USP42: variants seen among roughly 807,000 people sequenced by gnomAD.
The protein encoded by USP42 is ubiquitin specific peptidase 42.
In USP42, 23 loss-of-function variants were observed where a neutral mutation model predicts 113.0. The observed-to-expected ratio is 0.20, with a 90% CI of 0.15 to 0.29. USP42 has a LOEUF of 0.29. USP42 is among the 10% of genes least tolerant of loss of function. The pLI is 1.00. For synonymous variants in USP42, 933 were observed against 699.0 expected, an observed-to-expected ratio of 1.33 and a Z score of -5.28; for missense variants, 2,174 against 1,779.8, an observed-to-expected ratio of 1.22 and a Z score of -3.99.
chr7:6,112,220 A>G (rs1042456162), intron 2 of USP42, among the ~76,000 whole-genome samples: 2 of 152,096 alleles, frequency 1.3e-5, no homozygotes, highest in African/African-American at 2.4e-5. Flanking sequence ...AGGCCAAGGC[A>G]GGTGGATCAC....
the USP42 span, among the ~76,000 whole-genome samples, chr7:6,087,003 C>G: frequency 6.7e-6 from 1 of 149,658 alleles, no homozygotes; most frequent in Non-Finnish European, 1.5e-5. Flanking sequence ...GCTGGGATTA[C>G]AGATGTGAGC....
In USP42 at chr7:6,157,556, C is replaced by G. The variant is rs777996474; in HGVS notation, c.3943+501C>G. Among the ~76,000 whole-genome samples, 2 of 152,174 alleles carry G rather than the reference C, an allele frequency of 1.3e-5. No individual in the cohort carries two copies. Among genetic ancestry groups the G allele is most frequent in the Non-Finnish European group, 2.9e-5 (2 of 68,032 alleles). On this transcript the variant is annotated intron_variant, in intron 16 of 17. Coordinates refer to ENST00000306177, the MANE Select transcript of USP42 (RefSeq NM_032172.3). This position sits in a 1 kb window ranked among gnomAD's most constrained non-coding sequence, Gnocchi z 4.1. ...GGGACTACAGGCGCCCGCCACCACG[C>G]CCGGCTAAATTTTGTGTTTTTAGTA...
intron 15 of USP42, among the ~76,000 whole-genome samples, chr7:6,156,110 G>A (rs1428834331): frequency 2.0e-5 from 3 of 152,168 alleles, no homozygotes; most frequent in African/African-American, 7.2e-5. Context: ...ATGATGAGAT[G>A]GATGAGCAGG....
chr7:6,101,082 TGAAAG>T (rs1045716125), upstream of USP42, among the ~76,000 whole-genome samples: 6 of 150,662 alleles, frequency 4.0e-5, no homozygotes. Flanking sequence ...AGGAAGGTAA[TGAAAG>T]GAAAGGGCAG....
At chr7:6,146,072 AAAG>A (rs1199727349) in intron 10 of USP42, 73 bp from the exon 11 acceptor site, 3 of 1,177,760 alleles carry the variant, frequency 2.5e-6, no homozygotes, top group Non-Finnish European at 3.6e-6. Context: ...AAAAAAAAAG[AAAG>A]AAATATTTCT....
At chr7:6,091,005 C>T in the USP42 span, among the ~76,000 whole-genome samples, 4 of 150,540 alleles carry the variant, frequency 2.7e-5, no homozygotes, top group Non-Finnish European at 5.9e-5. Context: ...AGACATATGA[C>T]GCCTATTCAG....
At chr7:6,143,709 T>A (rs1157939099) in intron 8 of USP42, among the ~76,000 whole-genome samples, 3 of 152,040 alleles carry the variant, frequency 2.0e-5, no homozygotes, top group Non-Finnish European at 2.9e-5. Context: ...ATATAATAAT[T>A]ATTATTATTT....
chr7:6,157,419 C>T lies in USP42; in HGVS notation c.3943+364C>T, dbSNP rs950457688. On this transcript the variant is annotated intron_variant, in intron 16 of 17. Transcript: ENST00000306177. This position sits in a 1 kb window ranked among gnomAD's most constrained non-coding sequence, Gnocchi z 4.1. ...ATTTTATTTATTTTATTTTTTGAGA[C>T]GGAGTCTTGCTCTATTGCCCAGGCT... 3.5e-5 allele frequency: 34 copies of T among 971,466 alleles called. No homozygotes were observed. In the Admixed American group the frequency reaches 6.2e-4, roughly 18 times the overall value. 60.2% of individuals were successfully genotyped at this position (971,466 alleles called of 1,614,324 possible).
Position 6,139,272 on chromosome 7 carries a change from A to C in USP42, c.656+78A>C. 2.5e-6 allele frequency: 3 copies of C among 1,219,744 alleles called. No homozygotes were observed. Among genetic ancestry groups the C allele is most frequent in the Admixed American group, 2.7e-5 (1 of 37,632 alleles). 75.6% of individuals were successfully genotyped at this position (1,219,744 alleles called of 1,614,324 possible). ...TTTATTCTTATCAGAATTCATTTTC[A>C]CCTTTTTTGTTGGAAGCACACAGAA... On this transcript the variant is annotated intron_variant, in intron 5 of 17. Transcript: ENST00000306177. The surrounding 1 kb of genome is among the most constrained non-coding windows in gnomAD (Gnocchi z 4.5).
At chr7:6,126,589 A>T (rs989683787) in intron 3 of USP42, among the ~76,000 whole-genome samples, 1 of 152,332 alleles carries the variant, frequency 6.6e-6, no homozygotes, top group South Asian at 2.1e-4. Context: ...CGGCCTGATA[A>T]CGCCACAGTT....
chr7:6,092,584 A>T, the USP42 span, among the ~76,000 whole-genome samples: 2 of 151,354 alleles, frequency 1.3e-5, no homozygotes, highest in East Asian at 3.8e-4. Context: ...CATTTGAGGC[A>T]TCATGACAAT....
intron 8 of USP42, 21 bp from the exon 9 acceptor site, chr7:6,144,064 T>A: frequency 6.8e-7 from 1 of 1,466,606 alleles, no homozygotes; most frequent in Non-Finnish European, 9.2e-7. Context: ...TTCTTATACT[T>A]TTGTTTCTGT....
At chr7:6,151,676 C>G (rs1782059152) in intron 14 of USP42, among the ~76,000 whole-genome samples, 1 of 152,290 alleles carries the variant, frequency 6.6e-6, no homozygotes, top group Non-Finnish European at 1.5e-5. Flanking sequence ...CTCCTGACCT[C>G]AACTCATCCA....
intron 2 of USP42, among the ~76,000 whole-genome samples, chr7:6,112,992 C>T (rs562663001): frequency 9.2e-4 from 138 of 150,486 alleles, no homozygotes; most frequent in Non-Finnish European, 1.8e-3. Context: ...CAATCTCTGC[C>T]TGCTGGGTTC....
In USP42 at chr7:6,156,975, T is replaced by C; in HGVS notation, c.3863T>C (p.Val1288Ala). 6.2e-7 allele frequency: 1 copy of C among 1,613,746 alleles called. No individual in the cohort carries two copies. Among genetic ancestry groups the C allele is most frequent in the Non-Finnish European group, 8.5e-7 (1 of 1,179,778 alleles). ...TCTGGTGGCCCGCCTCTGGAAGGCG[T>C]CGGACCTTTCCGTGAGAAAACGAAA... is the stretch of plus-strand genomic sequence containing the variant. ...PLSGGPPLEG[V>A]GPFREKTKHL... The change falls in exon 16 of 18, where the codon GTC (valine) becomes GCC (alanine). Residue 1288 changes from valine to alanine, a missense_variant. By Grantham distance (64) the Val-to-Ala change is moderately conservative. Coordinates refer to ENST00000306177, the MANE Select transcript of USP42 (RefSeq NM_032172.3).
chr7:6,084,138 T>C, the USP42 span, among the ~76,000 whole-genome samples: 1 of 151,272 alleles, frequency 6.6e-6, no homozygotes, highest in African/African-American at 2.5e-5. Context: ...GTGATTCTCC[T>C]GCCTCAGCCT....
At chr7:6,142,850 C>T (rs1027588207) in intron 7 of USP42, 82 bp from the exon 8 acceptor site, 1 of 1,394,270 alleles carries the variant, frequency 7.2e-7, no homozygotes, top group African/African-American at 1.4e-5. Context: ...TGCCACTGCA[C>T]TCCAGCCTGG....
At chr7:6,156,419 C>T (rs1418361956) in intron 15 of USP42, among the ~76,000 whole-genome samples, 1 of 152,118 alleles carries the variant, frequency 6.6e-6, no homozygotes, top group Non-Finnish European at 1.5e-5. Context: ...GAATTTATGG[C>T]CCTGGACTGA....
At position 6,139,937 on chromosome 7, in the gene USP42, T is replaced by A; in HGVS notation, c.657-191T>A. The A allele has an allele frequency of 1.6e-6, 1 of 624,324 alleles. No homozygotes were observed. Among genetic ancestry groups the A allele is most frequent in the Non-Finnish European group, 2.9e-6 (1 of 347,772 alleles). The allele number at this position is 624,324 out of a possible 1,614,324, so 38.7% of individuals were successfully genotyped here. On this transcript the variant is annotated intron_variant, in intron 5 of 17. Transcript: ENST00000306177. This position sits in a 1 kb window ranked among gnomAD's most constrained non-coding sequence, Gnocchi z 4.5. Reference sequence around the variant, plus strand: ...ACAGCTCTGCGTCTCCTCCCGCCACTCCCAGACCTCCCTGTGTTCTGGCCA... The same window carrying A: ...ACAGCTCTGCGTCTCCTCCCGCCACACCCAGACCTCCCTGTGTTCTGGCCA...
Sources: allele counts gnomAD v4.1 joint callset (sites outside exome capture counted in the v4.1 genomes callset), GRCh38; gene constraint gnomAD v4.1.1; non-coding constraint Gnocchi (gnomAD v3.1); transcripts MANE v1.5; gene names NCBI Gene and HGNC (gene_info 2026-07-23, HGNC 2026-07-21).